LINGO2: variants seen among roughly 807,000 people sequenced by gnomAD.
LINGO2 encodes the protein leucine rich repeat and Ig domain containing 2, also known as leucine-rich repeat and immunoglobulin-like domain-containing nogo receptor-interacting protein 2.
A neutral mutation model predicts 30.6 loss-of-function variants in LINGO2; 14 were observed. That is an observed-to-expected ratio of 0.46 (90% CI 0.30 to 0.72). The LOEUF is 0.72. Ranked by LOEUF, LINGO2 falls within the 30% of genes least tolerant of loss-of-function variation. LINGO2 has a pLI of 0.07. For synonymous variants in LINGO2, 317 were observed against 288.5 expected (o/e 1.10, Z -1.00); for missense variants, 729 against 751.7 (o/e 0.97, Z 0.35).
At chr9:29,145,699 A>G in the LINGO2 span, among the ~76,000 whole-genome samples, 1 of 152,182 alleles carries the variant, frequency 6.6e-6, no homozygotes, top group South Asian at 2.1e-4. Context: ...ATAAATCATG[A>G]GTTGTTTGAT....
rs555810032 is a variant in LINGO2 at position 28,194,561 on chromosome 9, TAA to T, written c.-87+100645_-87+100646del. ...GAGCTAAGACCTAAACTCTCTATCCTAAAAAAAAAAAAAAAAAAATGGCTAAA... is the reference window on the plus strand; with the variant it reads ...GAGCTAAGACCTAAACTCTCTATCCTAAAAAAAAAAAAAAAAATGGCTAAA... On this transcript the variant is annotated intron_variant, in intron 4 of 5. Coordinates refer to ENST00000379992, the Ensembl canonical transcript of LINGO2. Among the ~76,000 whole-genome samples, 527 of 114,458 alleles carry T rather than the reference TAA, an allele frequency of 4.6e-3. 1 individual carries two copies. Among genetic ancestry groups the T allele is most frequent in the African/African-American group, 9.6e-3 (279 of 29,036 alleles). The allele number at this position is 114,458 out of a possible 152,430, so 75.1% of individuals were successfully genotyped here. A position where few individuals can be genotyped will look rare whatever the true frequency, so the allele number is the denominator to read the frequency against.
rs1016665501 is a variant in LINGO2, at chr9:28,126,220, G to A, written c.-86-113815C>T. 3.9e-5 allele frequency among the ~76,000 whole-genome samples: 6 copies of A among 152,044 alleles called. No homozygotes were observed. The East Asian group carries it at 1.2e-3, about 29-fold the overall frequency. ...TTATAGTAAAATTTCATATCTAAAG[G>A]GTGAAAGTTCCAGATAACTGTATTT... is the stretch of plus-strand genomic sequence containing the variant. On this transcript the variant is annotated intron_variant, in intron 4 of 5. Coordinates refer to ENST00000379992, the Ensembl canonical transcript of LINGO2.
chr9:28,286,930 C>A (rs956909356), intron 4 of LINGO2, among the ~76,000 whole-genome samples: 5 of 152,126 alleles, frequency 3.3e-5, no homozygotes, highest in Admixed American at 3.3e-4. Flanking sequence ...ACCTGTGTAA[C>A]AAACCTGCAC....
intron 4 of LINGO2, among the ~76,000 whole-genome samples, chr9:28,056,291 G>T (rs1214620467): frequency 1.3e-5 from 2 of 152,132 alleles, no homozygotes; most frequent in Non-Finnish European, 2.9e-5. Flanking sequence ...CTGGGTGGCA[G>T]ACTCAATTTG....
At chr9:28,447,404 G>A (rs995305201) in intron 2 of LINGO2, among the ~76,000 whole-genome samples, 1 of 152,218 alleles carries the variant, frequency 6.6e-6, no homozygotes, top group African/African-American at 2.4e-5. Context: ...CGAACCAGAA[G>A]AGTGAGCCAT....
the LINGO2 span, among the ~76,000 whole-genome samples, chr9:28,998,062 CAGATTT>C: frequency 6.6e-6 from 1 of 152,176 alleles, no homozygotes; most frequent in Admixed American, 6.5e-5. Flanking sequence ...TAGCAGGGTT[CAGATTT>C]GAACCTAGGT....
chr9:28,121,138 C>T (rs1421985498), intron 4 of LINGO2, among the ~76,000 whole-genome samples: 3 of 151,830 alleles, frequency 2.0e-5, no homozygotes, highest in African/African-American at 7.3e-5. Flanking sequence ...AGAAAAATAC[C>T]ATAAAACAAA....
the LINGO2 span, among the ~76,000 whole-genome samples, chr9:29,199,304 G>A: frequency 6.6e-6 from 1 of 152,180 alleles, no homozygotes; most frequent in Admixed American, 6.5e-5. Flanking sequence ...AAGCCAGGAA[G>A]TTCAGTCCTA....
chr9:28,618,577 C>T (rs1250616373), intron 1 of LINGO2, among the ~76,000 whole-genome samples: 1 of 152,120 alleles, frequency 6.6e-6, no homozygotes, highest in Admixed American at 6.6e-5. Context: ...AATCCCTCCA[C>T]CAGGCTCACA....
At chr9:29,077,829 A>G in the LINGO2 span, among the ~76,000 whole-genome samples, 1 of 151,988 alleles carries the variant, frequency 6.6e-6, no homozygotes, top group Admixed American at 6.6e-5. Flanking sequence ...TTAAAAAAAA[A>G]TAGTTCTAAC....
At chr9:28,625,119 C>G (rs147709278) in intron 1 of LINGO2, among the ~76,000 whole-genome samples, 18 of 152,154 alleles carry the variant, frequency 1.2e-4, no homozygotes, top group African/African-American at 4.1e-4. Context: ...AGCCCTTTAG[C>G]TTGTGGTGGT....
intron 3 of LINGO2, among the ~76,000 whole-genome samples, chr9:28,350,557 T>C (rs2134440875): frequency 6.9e-6 from 1 of 144,480 alleles, no homozygotes; most frequent in South Asian, 2.4e-4. Context: ...AATGGGAGAC[T>C]TTAACACCCC....
At chr9:29,052,202 G>A in the LINGO2 span, among the ~76,000 whole-genome samples, 1 of 152,238 alleles carries the variant, frequency 6.6e-6, no homozygotes, top group Non-Finnish European at 1.5e-5. Context: ...CTGGGTCTCA[G>A]AGTGAACACT....
chr9:28,998,800 C>T, the LINGO2 span, among the ~76,000 whole-genome samples: 137,844 of 152,108 alleles, frequency 0.91, 62,637 homozygotes, highest in Non-Finnish European at 0.93. Context: ...CTTTTAAAAA[C>T]AGGAATTCTT....
chr9:28,667,460 C>A (rs910619857), intron 1 of LINGO2, among the ~76,000 whole-genome samples: 1 of 151,842 alleles, frequency 6.6e-6, no homozygotes, highest in Non-Finnish European at 1.5e-5. Context: ...CCTTCAAATT[C>A]CCACTGGGCA....
At position 28,590,459 on chromosome 9, in the gene LINGO2, G is replaced by GA. The variant is rs1373353380; in HGVS notation, c.-365+79740dup. Among the ~76,000 whole-genome samples the GA allele has an allele frequency of 6.1e-3, 907 of 148,976 alleles. 11 individuals are homozygous for GA. The highest frequency in any genetic ancestry group is 0.021 in the African/African-American group (841 of 40,624). ...ACAATGAACTCAAACAAATTTAAAA[G>GA]AAAAAAAAACAGACAACCCCATCAA... On this transcript the variant is annotated intron_variant, in intron 1 of 5. Transcript: ENST00000379992.
chr9:27,945,562 C>G (rs1823333875), downstream of LINGO2, among the ~76,000 whole-genome samples: 1 of 152,110 alleles, frequency 6.6e-6, no homozygotes, highest in South Asian at 2.1e-4. Flanking sequence ...AACAGTATTT[C>G]TTTCTGGGAT....
chr9:28,332,851 A>G (rs534852650), intron 3 of LINGO2, among the ~76,000 whole-genome samples: 40 of 152,286 alleles, frequency 2.6e-4, no homozygotes, highest in African/African-American at 9.4e-4. Context: ...GTTAAAGCAC[A>G]TATCAGCGTG....
In LINGO2 at chr9:28,078,675, C is replaced by T. The variant is rs954689760; in HGVS notation, c.-86-66270G>A. On this transcript the variant is annotated intron_variant, in intron 4 of 5. Transcript: ENST00000379992. ...AGACCAGCCTAACATGGAGAAACGC[C>T]GTCTCTATTAAAAATACAAAATTAG... is the stretch of plus-strand genomic sequence containing the variant. Among the ~76,000 whole-genome samples, 3 of 147,730 alleles carry T rather than the reference C, an allele frequency of 2.0e-5. 1 individual carries two copies. The highest frequency in any genetic ancestry group is 1.9e-4 in the East Asian group (1 of 5,166).
Sources: gnomAD v4.1 joint callset for allele counts (sites outside exome capture counted in the v4.1 genomes callset) on GRCh38, gnomAD v4.1.1 for gene constraint, MANE v1.5 for transcripts, NCBI Gene and HGNC (gene_info 2026-07-23, HGNC 2026-07-21) for gene names.